Variants in DPYD observed in about 807,000 individuals in gnomAD.
DPYD encodes dihydropyrimidine dehydrogenase.
Under a neutral mutation model 116.2 loss-of-function variants are expected in DPYD, and 109 were observed. The ratio of observed to expected loss-of-function variants is 0.94; its 90% confidence interval spans 0.80 to 1.10. DPYD has a LOEUF of 1.10. Ranked by LOEUF, DPYD falls within the 50% of genes least tolerant of loss-of-function variation. DPYD has a pLI of 0.00. For missense variants in DPYD, 1,302 were observed against 1,254.5 expected, an observed-to-expected ratio of 1.04 and a Z score of -0.57; for synonymous variants, 440 against 432.0, an observed-to-expected ratio of 1.02 and a Z score of -0.23.
chr1:97,196,206 C>T (rs897386039), intron 19 of DPYD, among the ~76,000 whole-genome samples: 21 of 152,062 alleles, frequency 1.4e-4, no homozygotes, highest in African/African-American at 5.1e-4. Flanking sequence ...CTCAAGCAAT[C>T]CTCTCACCTC....
chr1:97,662,450 G>A lies in DPYD; in HGVS notation c.850+16645C>T, dbSNP rs540535857. ...GATCGAGACCATCCTGGCCAACATG[G>A]AGAAACTCCATCTCTACTAAAAATA... On this transcript the variant is annotated intron_variant, in intron 8 of 22. Coordinates refer to ENST00000370192, the MANE Select transcript of DPYD (RefSeq NM_000110.4). Among the ~76,000 whole-genome samples the A allele has an allele frequency of 1.0e-3, 153 of 151,340 alleles. 1 individual carries two copies. Among genetic ancestry groups the A allele is most frequent in the African/African-American group, 3.7e-3 (153 of 41,278 alleles).
chr1:97,801,756 C>A (rs1667857030), intron 3 of DPYD, among the ~76,000 whole-genome samples: 1 of 151,786 alleles, frequency 6.6e-6, no homozygotes, highest in African/African-American at 2.4e-5. Context: ...TTCCTGTATT[C>A]TGTGAAACTG....
chr1:97,470,162 T>C (rs551090734), intron 13 of DPYD, among the ~76,000 whole-genome samples: 2 of 152,304 alleles, frequency 1.3e-5, no homozygotes, highest in East Asian at 3.9e-4. Context: ...ATTTTTTTGA[T>C]ATGATGGGGC....
chr1:97,310,775 AT>A (rs368792621), intron 16 of DPYD, among the ~76,000 whole-genome samples: 2 of 151,916 alleles, frequency 1.3e-5, no homozygotes, highest in African/African-American at 4.8e-5. Context: ...ATGGAAACAT[AT>A]TTCTACATTA....
intron 20 of DPYD, among the ~76,000 whole-genome samples, chr1:97,184,313 C>T (rs1657849177): frequency 6.6e-6 from 1 of 151,766 alleles, no homozygotes; most frequent in South Asian, 2.1e-4. Context: ...AATAGCAGTT[C>T]TTTTTTTTGC....
intron 18 of DPYD, among the ~76,000 whole-genome samples, chr1:97,289,217 T>G (rs1187771478): frequency 6.6e-6 from 1 of 150,796 alleles, no homozygotes; most frequent in Non-Finnish European, 1.5e-5. Context: ...CCAAAAAGAG[T>G]CCAGGACCAG....
chr1:97,241,269 T>C (rs1163869365), intron 18 of DPYD, among the ~76,000 whole-genome samples: 1 of 151,976 alleles, frequency 6.6e-6, no homozygotes, highest in Non-Finnish European at 1.5e-5. Flanking sequence ...CATTCTCCTT[T>C]CTGAAAGTGT....
intron 21 of DPYD, among the ~76,000 whole-genome samples, chr1:97,096,780 G>A (rs926406257): frequency 6.6e-6 from 1 of 152,068 alleles, no homozygotes; most frequent in African/African-American, 2.4e-5. Context: ...ATAAAAGCTG[G>A]CCACCCCAAC....
chr1:97,311,586 T>A (rs1667523497), intron 16 of DPYD, among the ~76,000 whole-genome samples: 4 of 151,708 alleles, frequency 2.6e-5, no homozygotes, highest in African/African-American at 4.8e-5. Context: ...TTTCACATGA[T>A]CTAGGTTCCA....
chr1:97,225,557 GTTGTTT>G (rs990403020), intron 19 of DPYD, among the ~76,000 whole-genome samples: 1 of 126,792 alleles, frequency 7.9e-6, no homozygotes, highest in African/African-American at 3.1e-5. Context: ...TTGAAATCAG[GTTGTTT>G]TTTTTTTTTT....
intron 3 of DPYD, among the ~76,000 whole-genome samples, chr1:97,796,158 T>A (rs1667558000): frequency 6.6e-6 from 1 of 152,108 alleles, no homozygotes; most frequent in African/African-American, 2.4e-5. Context: ...AAACTTTTAT[T>A]GTACAGTTTA....
At position 97,078,990 on chromosome 1, in the gene DPYD, TCA is replaced by T. The variant is rs2101548518; in HGVS notation, c.3062_3063del (p.Val1021GlufsTer7). 6.2e-7 allele frequency: 1 copy of T among 1,613,662 alleles called. No homozygotes were observed. The highest frequency in any genetic ancestry group is 2.2e-5 in the East Asian group (1 of 44,872). On this transcript the variant is annotated frameshift_variant, in exon 23 of 23. Coordinates refer to ENST00000370192, the MANE Select transcript of DPYD (RefSeq NM_000110.4). LOFTEE classifies it high-confidence loss of function. Reference sequence around the variant, plus strand: ...CACAAATCACCTTAACACACCGGATTCACAGATAAGGGTACGCCTCTCTTTGG... The same window carrying T: ...CACAAATCACCTTAACACACCGGATTCAGATAAGGGTACGCCTCTCTTTGG... ...YEPKRGVPLS[V>X]NPVC
At chr1:97,446,887 C>T (rs981043817) in intron 14 of DPYD, among the ~76,000 whole-genome samples, 3 of 152,114 alleles carry the variant, frequency 2.0e-5, no homozygotes, top group African/African-American at 4.8e-5. Context: ...GAACAAAAAG[C>T]TCTTAGTCAG....
chr1:97,344,798 A>G (rs957252991), intron 16 of DPYD, among the ~76,000 whole-genome samples: 2 of 151,930 alleles, frequency 1.3e-5, no homozygotes, highest in Non-Finnish European at 2.9e-5. Context: ...CTTGAACTAC[A>G]TGAAACATGT....
At chr1:97,102,316 G>A (rs1650752460) in intron 20 of DPYD, among the ~76,000 whole-genome samples, 1 of 147,274 alleles carries the variant, frequency 6.8e-6, no homozygotes, top group Admixed American at 6.9e-5. Context: ...AAGAAGACAA[G>A]TAATTACTTT....
chr1:97,359,824 G>A (rs1670622964), intron 16 of DPYD, among the ~76,000 whole-genome samples: 1 of 152,110 alleles, frequency 6.6e-6, no homozygotes, highest in Non-Finnish European at 1.5e-5. Flanking sequence ...AACATGGAAA[G>A]GAACAACCAG....
chr1:97,725,707 T>C (rs1434946015), intron 4 of DPYD, among the ~76,000 whole-genome samples: 1 of 151,678 alleles, frequency 6.6e-6, no homozygotes, highest in East Asian at 1.9e-4. Context: ...AGAATATTCA[T>C]TTCAATGAAT....
At chr1:97,838,775 G>A (rs1669900377) in intron 2 of DPYD, among the ~76,000 whole-genome samples, 1 of 152,144 alleles carries the variant, frequency 6.6e-6, no homozygotes, top group South Asian at 2.1e-4. Flanking sequence ...AACCCGGGAG[G>A]CGGAGCTTGC....
At chr1:97,546,755 A>T in intron 12 of DPYD, 1 of 1,613,134 alleles carries the variant, frequency 6.2e-7, no homozygotes, top group Non-Finnish European at 8.5e-7. Context: ...CCTGGAAATT[A>T]TCAGTATACT....
Sources: allele counts gnomAD v4.1 joint callset (sites outside exome capture counted in the v4.1 genomes callset), GRCh38; gene constraint gnomAD v4.1.1; transcripts MANE v1.5; gene names NCBI Gene and HGNC (gene_info 2026-07-23, HGNC 2026-07-21).